The following RAPGEF2 variants were observed in gnomAD, a reference collection of about 807,000 sequenced individuals.
The protein encoded by RAPGEF2 is PDZ domain containing guanine nucleotide exchange factor (GEF) 1.
In RAPGEF2, 54 loss-of-function variants were observed where a neutral mutation model predicts 186.7. The ratio of observed to expected loss-of-function variants is 0.29; its 90% CI spans 0.23 to 0.36. The LOEUF (loss-of-function observed/expected upper bound fraction) is 0.36. Ranked by LOEUF, RAPGEF2 falls within the 10% of genes least tolerant of loss-of-function variation. The pLI, the probability that RAPGEF2 is intolerant of heterozygous loss-of-function variation, is 1.00. For synonymous variants in RAPGEF2, 712 were observed against 705.9 expected, an observed-to-expected ratio of 1.01 and a Z score of -0.14; for missense variants, 1,532 against 2,045.0, an observed-to-expected ratio of 0.75 and a Z score of 4.84.
chr4:159,135,168 T>C (rs907758900), intron 1 of RAPGEF2, among the ~76,000 whole-genome samples: 3 of 152,114 alleles, frequency 2.0e-5, no homozygotes, highest in Non-Finnish European at 4.4e-5. Context: ...TTCAGCCTCC[T>C]GAGTAGCTGG....
intron 1 of RAPGEF2, among the ~76,000 whole-genome samples, chr4:159,167,561 G>A (rs1033503889): frequency 2.0e-5 from 3 of 152,320 alleles, no homozygotes; most frequent in South Asian, 2.1e-4. Context: ...GTGCCTTCCC[G>A]AAGTTTCATA....
At chr4:159,193,286 T>C in intron 3 of RAPGEF2, 30 bp downstream of exon 3, 1 of 1,370,902 alleles carries the variant, frequency 7.3e-7, no homozygotes, top group South Asian at 1.6e-5. Context: ...TTGTACAATG[T>C]ATCTAATCCA....
intron 7 of RAPGEF2, chr4:159,282,361 T>A (rs1017078814): frequency 5.5e-6 from 1 of 181,458 alleles, no homozygotes; most frequent in Admixed American, 6.4e-5. Context: ...TATGAAAAAT[T>A]TCTATTATTT....
chr4:159,279,544 T>A (rs1202802688), intron 7 of RAPGEF2, among the ~76,000 whole-genome samples: 3 of 152,138 alleles, frequency 2.0e-5, no homozygotes, highest in Admixed American at 6.6e-5. Flanking sequence ...AAATGTAGAG[T>A]AACTTTACCT....
At chr4:159,338,167 G>C (rs1404615366) in intron 17 of RAPGEF2, 144 bp from the exon 18 acceptor site, 2 of 662,648 alleles carry the variant, frequency 3.0e-6, no homozygotes, top group Non-Finnish European at 4.8e-6. Flanking sequence ...TGCTTTTGCA[G>C]TTTTCAACCA....
At chr4:159,326,622 G>C (rs980149776) in intron 11 of RAPGEF2, 2 of 152,168 alleles carry the variant, frequency 1.3e-5, no homozygotes, top group Non-Finnish European at 2.9e-5. Flanking sequence ...TTCTCTTCCA[G>C]TTCTCCCACT....
At chr4:159,204,146 TGAAAG>T (rs1749729617) in intron 3 of RAPGEF2, among the ~76,000 whole-genome samples, 1 of 152,242 alleles carries the variant, frequency 6.6e-6, no homozygotes, top group Admixed American at 6.5e-5. Context: ...GTTCCTGCCT[TGAAAG>T]GAAGTTCATT....
intron 1 of RAPGEF2, among the ~76,000 whole-genome samples, chr4:159,117,457 C>G (rs576552532): frequency 1.3e-5 from 2 of 152,212 alleles, no homozygotes; most frequent in East Asian, 3.9e-4. Flanking sequence ...TATCTTGATT[C>G]TATTTTCTCT....
At chr4:159,224,240 T>G (rs1751803545) in intron 4 of RAPGEF2, among the ~76,000 whole-genome samples, 1 of 152,246 alleles carries the variant, frequency 6.6e-6, no homozygotes, top group Admixed American at 6.5e-5. Context: ...TATAGGAAAT[T>G]TTGTGTTTGA....
intron 1 of RAPGEF2, among the ~76,000 whole-genome samples, chr4:159,131,519 A>ATTGG: frequency 0.018 from 666 of 37,112 alleles, 113 homozygotes; most frequent in African/African-American, 0.06. Flanking sequence ...ATTAATTGCT[A>ATTGG]TTTTTTTTTT....
At chr4:159,256,726 A>G (rs1287991803) in intron 7 of RAPGEF2, among the ~76,000 whole-genome samples, 1 of 152,188 alleles carries the variant, frequency 6.6e-6, no homozygotes, top group Non-Finnish European at 1.5e-5. Flanking sequence ...TGACTTTTTA[A>G]TAACAGCTAT....
intron 7 of RAPGEF2, among the ~76,000 whole-genome samples, chr4:159,255,771 A>T (rs1756088044): frequency 6.6e-6 from 1 of 152,108 alleles, no homozygotes; most frequent in Non-Finnish European, 1.5e-5. Context: ...GTTTTGTAGT[A>T]GTTGATTGGA....
rs76094813 is a variant in RAPGEF2, at chr4:159,246,046, A to G, written c.543+2255A>G. 3.3e-3 allele frequency among the ~76,000 whole-genome samples: 507 copies of G among 152,288 alleles called. 6 individuals are homozygous for G. Among genetic ancestry groups the G allele is most frequent in the African/African-American group, 0.012 (488 of 41,574 alleles). On this transcript the variant is annotated intron_variant, in intron 7 of 29. Coordinates refer to ENST00000691494, the MANE Select transcript of RAPGEF2 (RefSeq NM_001394067.2). The stretch of plus-strand genomic sequence containing the variant: ...AGGAGACTTTGAACACAGTGTAAAT[A>G]AAACATACTTATAAAGTTTCAGTCA...
chr4:159,255,549 A>G lies in RAPGEF2; in HGVS notation c.543+11758A>G, dbSNP rs144197840. ...AAGCAAAATAATTGTCTGAGGGGAT[A>G]GAGCTGCCTTTGGAAAGGCACCAGA... On this transcript the variant is annotated intron_variant, in intron 7 of 29. Coordinates refer to ENST00000691494, the MANE Select transcript of RAPGEF2 (RefSeq NM_001394067.2). Among the ~76,000 whole-genome samples, 108 of 152,322 alleles carry G rather than the reference A, an allele frequency of 7.1e-4. 2 individuals carry two copies. Among genetic ancestry groups the G allele is most frequent in the Non-Finnish European group, 1.2e-3 (82 of 68,020 alleles).
intron 1 of RAPGEF2, among the ~76,000 whole-genome samples, chr4:159,168,416 A>G (rs1228124290): frequency 6.6e-6 from 1 of 152,032 alleles, no homozygotes; most frequent in Non-Finnish European, 1.5e-5. Context: ...TCAGGAAACA[A>G]ATCCATCCTT....
intron 7 of RAPGEF2, among the ~76,000 whole-genome samples, chr4:159,263,599 T>A (rs1757115275): frequency 6.6e-6 from 1 of 152,208 alleles, no homozygotes; most frequent in African/African-American, 2.4e-5. Flanking sequence ...TGCATTCTTC[T>A]ATACTACTAA....
intron 7 of RAPGEF2, among the ~76,000 whole-genome samples, chr4:159,250,792 G>A (rs1329111968): frequency 6.7e-6 from 1 of 150,332 alleles, no homozygotes; most frequent in Non-Finnish European, 1.5e-5. Flanking sequence ...GCTTGCTCTC[G>A]GCGCCTCGGC....
intron 17 of RAPGEF2, among the ~76,000 whole-genome samples, chr4:159,335,554 G>A (rs970044515): frequency 3.9e-5 from 6 of 152,102 alleles, no homozygotes; most frequent in African/African-American, 1.4e-4. Flanking sequence ...GCGGAGAAAC[G>A]GTTCTTAAAG....
intron 24 of RAPGEF2, among the ~76,000 whole-genome samples, chr4:159,346,353 G>A (rs1307956467): frequency 6.6e-6 from 1 of 152,198 alleles, no homozygotes; most frequent in Non-Finnish European, 1.5e-5. Flanking sequence ...ATAGATTGCA[G>A]TTGACAGCAT....
Sources: gnomAD v4.1 joint callset for allele counts (sites outside exome capture counted in the v4.1 genomes callset) on GRCh38, gnomAD v4.1.1 for gene constraint, MANE v1.5 for transcripts, NCBI Gene and HGNC (gene_info 2026-07-23, HGNC 2026-07-21) for gene names.